SENP5: variants seen among roughly 807,000 people sequenced by gnomAD.
SENP5 encodes the protein SUMO specific peptidase 5, also known as sentrin-specific protease 5.
SENP5 carries 21 observed loss-of-function variants against 74.2 expected under a neutral mutation model. That is an observed-to-expected ratio of 0.28 (90% confidence interval 0.20 to 0.41). SENP5 has a LOEUF of 0.41. SENP5 is among the 10% of genes least tolerant of loss of function. The pLI, the probability that SENP5 is intolerant of heterozygous loss-of-function variation, is 1.00. For synonymous variants in SENP5, 311 were observed against 312.7 expected (o/e 0.99, Z 0.06); for missense variants, 717 against 889.1 (o/e 0.81, Z 2.46).
chr3:196,909,052 A>G (rs1250927931), intron 6 of SENP5, among the ~76,000 whole-genome samples: 23 of 152,136 alleles, frequency 1.5e-4, no homozygotes. Flanking sequence ...AATCAAATAG[A>G]CACAATAAAA....
At chr3:196,895,640 CCCT>C (rs1714412757) in intron 2 of SENP5, among the ~76,000 whole-genome samples, 2 of 149,006 alleles carry the variant, frequency 1.3e-5, no homozygotes, top group Admixed American at 6.7e-5. Context: ...TCCCACCTCA[CCCT>C]CCCGAGTAGC....
chr3:196,897,015 T>C (rs2108831842), intron 2 of SENP5, among the ~76,000 whole-genome samples: 1 of 152,294 alleles, frequency 6.6e-6, no homozygotes, highest in South Asian at 2.1e-4. Flanking sequence ...GGAAAATGTG[T>C]AATAATTTAG....
chr3:196,912,815 G>A (rs1007457229), intron 6 of SENP5: 9 of 151,866 alleles, frequency 5.9e-5, no homozygotes, highest in Admixed American at 2.6e-4. Flanking sequence ...TTGAGACTGC[G>A]GTGAGCAGTG....
In SENP5 at chr3:196,867,946, G is replaced by A. The variant is rs1241987725; in HGVS notation, c.-159G>A. On this transcript the variant is annotated 5_prime_UTR_variant, in exon 1 of 10. Transcript: ENST00000323460. ...GAGGAAGCTCGGCGGCTGTGGCCGCGGCGAACAGGCCGGACGCCTCGTCGC... is the reference window on the plus strand; with the variant it reads ...GAGGAAGCTCGGCGGCTGTGGCCGCAGCGAACAGGCCGGACGCCTCGTCGC... 2 of 152,188 alleles carry A rather than the reference G, an allele frequency of 1.3e-5. No homozygotes were observed. The highest frequency in any genetic ancestry group is 2.9e-5 in the Non-Finnish European group (2 of 68,034). The allele number at this position is 152,188 out of a possible 1,614,324, so 9.4% of individuals were successfully genotyped here.
chr3:196,883,660 AG>A (rs1166364190), intron 1 of SENP5, among the ~76,000 whole-genome samples: 1 of 150,734 alleles, frequency 6.6e-6, no homozygotes, highest in Non-Finnish European at 1.5e-5. Context: ...TCTGCTTCTG[AG>A]CCTTTCTGCT....
chr3:196,897,030 T>G (rs1177170863), intron 2 of SENP5, among the ~76,000 whole-genome samples: 2 of 152,138 alleles, frequency 1.3e-5, no homozygotes, highest in Non-Finnish European at 2.9e-5. Context: ...ATTTAGAATC[T>G]CCATCATTCT....
At chr3:196,877,158 C>T (rs1713512726) in intron 1 of SENP5, among the ~76,000 whole-genome samples, 2 of 151,930 alleles carry the variant, frequency 1.3e-5, no homozygotes, top group Admixed American at 1.3e-4. Flanking sequence ...CATCTTACTA[C>T]CTTATTTTAT....
intron 2 of SENP5, among the ~76,000 whole-genome samples, chr3:196,898,544 A>G (rs976306887): frequency 1.3e-5 from 2 of 151,764 alleles, no homozygotes; most frequent in Non-Finnish European, 2.9e-5. Flanking sequence ...GTAGTGAGCT[A>G]TGATTGTGTT....
intron 1 of SENP5, among the ~76,000 whole-genome samples, chr3:196,871,722 G>A (rs1489357841): frequency 6.6e-6 from 1 of 151,890 alleles, no homozygotes; most frequent in African/African-American, 2.4e-5. Flanking sequence ...GGGCATGGTG[G>A]CACACACTCG....
At chr3:196,889,048 G>A (rs1415128904) in intron 2 of SENP5, among the ~76,000 whole-genome samples, 1 of 151,898 alleles carries the variant, frequency 6.6e-6, no homozygotes. Context: ...CGGGGGAGGC[G>A]GAGCTTGCAT....
At chr3:196,904,918 CATTTATTTATTG>C (rs1714843581) in intron 6 of SENP5, 1 of 152,058 alleles carries the variant, frequency 6.6e-6, no homozygotes, top group African/African-American at 2.4e-5. Context: ...ATTCATTCAT[CATTTATTTATTG>C]ATTTATTTTT....
intron 6 of SENP5, among the ~76,000 whole-genome samples, chr3:196,922,594 A>C (rs918026288): frequency 1.3e-5 from 2 of 152,016 alleles, no homozygotes; most frequent in Non-Finnish European, 2.9e-5. Context: ...GACTGCAGGC[A>C]TGCACCACCA....
chr3:196,910,222 T>G (rs1003422010), intron 6 of SENP5, among the ~76,000 whole-genome samples: 4 of 149,814 alleles, frequency 2.7e-5, no homozygotes, highest in African/African-American at 9.8e-5. Context: ...CAAGGAGAAC[T>G]ACAAACCACT....
At position 196,932,510 on chromosome 3, in the gene SENP5, A is replaced by G. The variant is rs989233276; in HGVS notation, c.*1587A>G. 6.6e-6 allele frequency: 1 copy of G among 152,150 alleles called. No homozygotes were observed. Among genetic ancestry groups the G allele is most frequent in the Non-Finnish European group, 1.5e-5 (1 of 68,080 alleles). 9.4% of individuals were successfully genotyped at this position (152,150 alleles called of 1,614,324 possible). On this transcript the variant is annotated 3_prime_UTR_variant, in exon 10 of 10. Coordinates refer to ENST00000323460, the MANE Select transcript of SENP5 (RefSeq NM_152699.5). ...CACTTTCCTCTCCTGAGTCCTCCAG[A>G]CCCAAAATCCTTAATGTCAAACCAG...
At chr3:196,898,480 G>A (rs1714545058) in intron 2 of SENP5, among the ~76,000 whole-genome samples, 1 of 150,766 alleles carries the variant, frequency 6.6e-6, no homozygotes, top group South Asian at 2.1e-4. Flanking sequence ...CTTGCCTATA[G>A]TCCCAGCTAA....
chr3:196,870,898 C>T (rs750912560), intron 1 of SENP5, among the ~76,000 whole-genome samples: 2 of 151,400 alleles, frequency 1.3e-5, no homozygotes, highest in African/African-American at 2.4e-5. Flanking sequence ...TGGCTTGGTG[C>T]GGTGGCTCAT....
rs1236935285 is a variant in SENP5, at chr3:196,871,163, CTG to C, written c.-32+3092_-32+3093del. ...CCAGCTTTGGCAACAGGGTGAGACTCTGTCTCAGAAAAAAAAACAAAAAACAA... is the reference window on the plus strand; with the variant it reads ...CCAGCTTTGGCAACAGGGTGAGACTCTCTCAGAAAAAAAAACAAAAAACAA... On this transcript the variant is annotated intron_variant, in intron 1 of 9. Transcript: ENST00000323460. 2.0e-5 allele frequency among the ~76,000 whole-genome samples: 3 copies of C among 151,712 alleles called. No homozygotes were observed. The East Asian group carries it at 5.8e-4, about 29-fold the overall frequency.
chr3:196,893,885 G>A (rs1023227757), intron 2 of SENP5, among the ~76,000 whole-genome samples: 10 of 149,864 alleles, frequency 6.7e-5, no homozygotes, highest in Admixed American at 4.7e-4. Flanking sequence ...ACTCCAGCCT[G>A]GGTGACAGAG....
At chr3:196,879,114 G>C (rs1713608851) in intron 1 of SENP5, among the ~76,000 whole-genome samples, 3 of 152,014 alleles carry the variant, frequency 2.0e-5, no homozygotes. Context: ...TGTGTTTATT[G>C]CATGATACTT....
Sources: allele counts gnomAD v4.1 joint callset (sites outside exome capture counted in the v4.1 genomes callset), GRCh38; gene constraint gnomAD v4.1.1; transcripts MANE v1.5; gene names NCBI Gene and HGNC (gene_info 2026-07-23, HGNC 2026-07-21).